ADARB2: variants seen among roughly 807,000 people sequenced by gnomAD.
The protein encoded by ADARB2 is adenosine deaminase RNA specific B2 (inactive).
A neutral mutation model predicts 62.2 loss-of-function variants in ADARB2; 25 were observed. The ratio of observed to expected loss-of-function variants is 0.40; its 90% CI spans 0.29 to 0.56. The LOEUF is 0.56. Ranked by LOEUF, ADARB2 falls within the 20% of genes least tolerant of loss-of-function variation. The pLI, the probability that ADARB2 is intolerant of heterozygous loss-of-function variation, is 0.43. For synonymous variants in ADARB2, 572 were observed against 500.8 expected (o/e 1.14, Z -1.90); for missense variants, 1,071 against 1,077.4 (o/e 0.99, Z 0.08).
chr10:1,548,169 G>A (rs977659022), intron 1 of ADARB2, among the ~76,000 whole-genome samples: 41 of 152,246 alleles, frequency 2.7e-4, no homozygotes, highest in African/African-American at 9.1e-4. Flanking sequence ...TGGACCCGGA[G>A]GCTCAGGTGA....
Position 1,202,976 on chromosome 10 carries a change from A to G in ADARB2, c.1683-2829T>C, listed in dbSNP as rs914144505. Among the ~76,000 whole-genome samples the G allele has an allele frequency of 2.1e-4, 32 of 152,348 alleles. 1 individual carries two copies. Among genetic ancestry groups the G allele is most frequent in the African/African-American group, 7.0e-4 (29 of 41,588 alleles). The stretch of plus-strand genomic sequence containing the variant: ...TAATAACCTTTACAATAAAGAGGAA[A>G]TCAACCTTCTCTTTGCCTGGCTACC... On this transcript the variant is annotated intron_variant, in intron 7 of 9. Coordinates refer to ENST00000381312, the MANE Select transcript of ADARB2 (RefSeq NM_018702.4).
At chr10:1,245,854 G>A (rs1260621841) in intron 4 of ADARB2, among the ~76,000 whole-genome samples, 1 of 151,666 alleles carries the variant, frequency 6.6e-6, no homozygotes, top group Non-Finnish European at 1.5e-5. Flanking sequence ...TATATACCCA[G>A]TAATGGGATG....
At chr10:1,702,410 G>A (rs951722714) in intron 1 of ADARB2, among the ~76,000 whole-genome samples, 7 of 152,202 alleles carry the variant, frequency 4.6e-5, no homozygotes, top group Non-Finnish European at 7.3e-5. Flanking sequence ...GATGAAGGAA[G>A]AGGGTGAGGG....
chr10:1,213,995 G>C (rs1837196115), intron 7 of ADARB2, among the ~76,000 whole-genome samples: 1 of 51,976 alleles, frequency 1.9e-5, no homozygotes, highest in Non-Finnish European at 3.7e-5. Flanking sequence ...CCTGTGCCCA[G>C]ACCTGGCATT....
chr10:1,247,191 CTT>C (rs1360340831), intron 4 of ADARB2, among the ~76,000 whole-genome samples: 1 of 152,202 alleles, frequency 6.6e-6, no homozygotes, highest in Non-Finnish European at 1.5e-5. Context: ...TATCCTGAGA[CTT>C]TGCTGAAGTT....
chr10:1,392,794 C>A (rs977475459), intron 1 of ADARB2, among the ~76,000 whole-genome samples: 1 of 152,176 alleles, frequency 6.6e-6, no homozygotes, highest in African/African-American at 2.4e-5. Context: ...GTCCTGAAAG[C>A]GTCCAGTTAA....
chr10:1,618,579 A>G (rs1277350986), intron 1 of ADARB2, among the ~76,000 whole-genome samples: 1 of 151,742 alleles, frequency 6.6e-6, no homozygotes, highest in African/African-American at 2.4e-5. Context: ...AGGGTCTTGC[A>G]CTTCACATAT....
intron 3 of ADARB2, among the ~76,000 whole-genome samples, chr10:1,271,643 GACACAC>G (rs964202655): frequency 5.9e-5 from 9 of 152,108 alleles, no homozygotes; most frequent in South Asian, 2.1e-4. Context: ...CACACACACA[GACACAC>G]ACATACACAT....
chr10:1,272,418 G>A (rs1467513005), intron 3 of ADARB2, among the ~76,000 whole-genome samples: 2 of 152,248 alleles, frequency 1.3e-5, no homozygotes, highest in Non-Finnish European at 2.9e-5. Context: ...ACATGTTTGT[G>A]TGAAAACAGC....
chr10:1,584,857 G>C (rs563554727), intron 1 of ADARB2, among the ~76,000 whole-genome samples: 12 of 152,280 alleles, frequency 7.9e-5, no homozygotes, highest in African/African-American at 2.4e-4. Flanking sequence ...ATCTGAAAAG[G>C]CTACATCCTG....
At chr10:1,285,296 C>T (rs533864196) in intron 3 of ADARB2, among the ~76,000 whole-genome samples, 19 of 151,820 alleles carry the variant, frequency 1.3e-4, no homozygotes, top group Admixed American at 4.6e-4. Context: ...CGTGGGGAAA[C>T]GCGCCCTCCT....
At chr10:1,332,887 T>C (rs1831942497) in intron 3 of ADARB2, among the ~76,000 whole-genome samples, 2 of 152,196 alleles carry the variant, frequency 1.3e-5, no homozygotes, top group South Asian at 4.1e-4. Context: ...AGAGTTACCG[T>C]TTTCCCTCTC....
At chr10:1,462,841 T>C (rs1831196357) in intron 1 of ADARB2, among the ~76,000 whole-genome samples, 1 of 152,208 alleles carries the variant, frequency 6.6e-6, no homozygotes, top group South Asian at 2.1e-4. Context: ...TGTGTGTATG[T>C]ACATGTGTGT....
chr10:1,209,129 G>T (rs906374364), intron 7 of ADARB2, among the ~76,000 whole-genome samples: 1 of 152,124 alleles, frequency 6.6e-6, no homozygotes, highest in African/African-American at 2.4e-5. Context: ...AGACACACAG[G>T]ATGGAGACAA....
chr10:1,718,430 G>A (rs996532777), intron 1 of ADARB2, among the ~76,000 whole-genome samples: 2 of 152,172 alleles, frequency 1.3e-5, no homozygotes, highest in Non-Finnish European at 2.9e-5. Flanking sequence ...GGAACACGGT[G>A]GGGAATGAAC....
rs77442802 is a variant in ADARB2 at position 1,399,034 on chromosome 10, A to G, written c.101-19874T>C. ...ATCAGCGGGGCCACGACAAATGTTC[A>G]CTGAATGAGTAAATGAATGACATGG... is the stretch of plus-strand genomic sequence containing the variant. On this transcript the variant is annotated intron_variant, in intron 1 of 9. Transcript: ENST00000381312. Among the ~76,000 whole-genome samples, 586 of 152,282 alleles carry G rather than the reference A, an allele frequency of 3.8e-3. 6 individuals are homozygous for G. Among genetic ancestry groups the G allele is most frequent in the East Asian group, 0.012 (61 of 5,188 alleles).
intron 1 of ADARB2, among the ~76,000 whole-genome samples, chr10:1,707,061 T>C (rs1458853733): frequency 6.6e-6 from 1 of 152,250 alleles, no homozygotes; most frequent in Non-Finnish European, 1.5e-5. Context: ...GTTTAGGATT[T>C]TTATTTCATC....
chr10:1,346,888 T>C (rs1832085857), intron 3 of ADARB2, among the ~76,000 whole-genome samples: 1 of 152,238 alleles, frequency 6.6e-6, no homozygotes, highest in African/African-American at 2.4e-5. Context: ...TTGGGCAAAA[T>C]GCTGCAGATT....
At chr10:1,673,267 TC>T (rs1834415426) in intron 1 of ADARB2, among the ~76,000 whole-genome samples, 1 of 151,924 alleles carries the variant, frequency 6.6e-6, no homozygotes, top group Non-Finnish European at 1.5e-5. Context: ...GTATAATAGA[TC>T]ATATATATTT....
Sources: gnomAD v4.1 joint callset for allele counts (sites outside exome capture counted in the v4.1 genomes callset) on GRCh38, gnomAD v4.1.1 for gene constraint, MANE v1.5 for transcripts, NCBI Gene and HGNC (gene_info 2026-07-23, HGNC 2026-07-21) for gene names.